TTC28: variants seen among roughly 807,000 people sequenced by gnomAD.
TTC28 encodes the protein tetratricopeptide repeat domain 28.
A neutral mutation model predicts 198.0 loss-of-function variants in TTC28; 61 were observed. The ratio of observed to expected loss-of-function variants is 0.31; its 90% CI spans 0.25 to 0.38. TTC28 has a LOEUF of 0.38. Ranked by LOEUF, TTC28 falls within the 10% of genes least tolerant of loss-of-function variation. The pLI is 1.00. For synonymous variants in TTC28, 1,171 were observed against 1,297.8 expected, an observed-to-expected ratio of 0.90 and a Z score of 2.10; for missense variants, 2,678 against 3,164.0, an observed-to-expected ratio of 0.85 and a Z score of 3.69.
intron 2 of TTC28, among the ~76,000 whole-genome samples, chr22:28,316,635 AG>A (rs1269927732): frequency 1.3e-5 from 2 of 151,992 alleles, no homozygotes; most frequent in African/African-American, 4.8e-5. Context: ...GCATTTTTTT[AG>A]TTTTCATTGT....
chr22:28,233,551 C>T (rs2147234383), intron 5 of TTC28, among the ~76,000 whole-genome samples: 1 of 152,150 alleles, frequency 6.6e-6, no homozygotes, highest in African/African-American at 2.4e-5. Context: ...GAGGTTGATT[C>T]CCCAGTTAGA....
At chr22:28,093,235 C>T (rs530194652) in intron 12 of TTC28, among the ~76,000 whole-genome samples, 38 of 152,344 alleles carry the variant, frequency 2.5e-4, no homozygotes, top group Non-Finnish European at 4.7e-4. Flanking sequence ...CAGCAACCAC[C>T]GCATGCTTGG....
At chr22:28,118,989 A>G (rs1488573432) in intron 6 of TTC28, among the ~76,000 whole-genome samples, 1 of 152,208 alleles carries the variant, frequency 6.6e-6, no homozygotes, top group Non-Finnish European at 1.5e-5. Context: ...TTGCCTTGGT[A>G]ATTGGTGTGT....
chr22:28,296,486 T>C (rs2044898615), intron 4 of TTC28, among the ~76,000 whole-genome samples, 158 bp from the exon 5 acceptor site: 1 of 152,224 alleles, frequency 6.6e-6, no homozygotes, highest in Non-Finnish European at 1.5e-5. Flanking sequence ...CACAAGACCC[T>C]ATGTGGGGAG....
At chr22:28,473,586 A>G in intron 2 of TTC28, among the ~76,000 whole-genome samples, 1 of 152,150 alleles carries the variant, frequency 6.6e-6, no homozygotes, top group Non-Finnish European at 1.5e-5. Flanking sequence ...TCTAAATATG[A>G]CTGCAGGACT....
intron 2 of TTC28, among the ~76,000 whole-genome samples, chr22:28,571,186 G>A (rs113351733): frequency 0.019 from 2,949 of 152,208 alleles, 29 homozygotes; most frequent in Non-Finnish European, 0.026. Context: ...TTGAACAGTT[G>A]CCAAATTAAG....
At chr22:28,368,162 T>C (rs947430680) in intron 2 of TTC28, among the ~76,000 whole-genome samples, 2 of 151,950 alleles carry the variant, frequency 1.3e-5, no homozygotes, top group African/African-American at 2.4e-5. Flanking sequence ...CTCAACAAAA[T>C]ACTAGCATAT....
At chr22:28,464,299 A>G (rs1401455315) in intron 2 of TTC28, among the ~76,000 whole-genome samples, 5 of 152,216 alleles carry the variant, frequency 3.3e-5, no homozygotes, top group Admixed American at 2.0e-4. Flanking sequence ...TTTAACCAGA[A>G]TTAATTTTTA....
chr22:28,001,781 C>T (rs778811758), intron 14 of TTC28: 16 of 572,902 alleles, frequency 2.8e-5, no homozygotes, highest in Non-Finnish European at 5.0e-5. Flanking sequence ...CATCCATCTG[C>T]CTCACAGTCC....
chr22:28,431,640 TAA>T (rs1047731410), intron 2 of TTC28, among the ~76,000 whole-genome samples: 2 of 152,216 alleles, frequency 1.3e-5, no homozygotes, highest in African/African-American at 4.8e-5. Context: ...AGAAATGTAC[TAA>T]GTTTCTCCAT....
intron 2 of TTC28, among the ~76,000 whole-genome samples, chr22:28,333,483 C>G (rs969926061): frequency 6.6e-6 from 1 of 152,108 alleles, no homozygotes; most frequent in African/African-American, 2.4e-5. Flanking sequence ...GAAAGCATTT[C>G]AAGCAATCAG....
intron 2 of TTC28, among the ~76,000 whole-genome samples, chr22:28,335,106 T>C (rs745848880): frequency 6.6e-6 from 1 of 152,202 alleles, no homozygotes. Context: ...ATTTATTAAA[T>C]AGGGAATCCT....
rs1941929937 is a variant in TTC28, at chr22:28,094,987, C to T, written c.3767-742G>A. 2.6e-5 allele frequency among the ~76,000 whole-genome samples: 4 copies of T among 152,124 alleles called. No individual in the cohort carries two copies. The South Asian group carries it at 6.2e-4, about 24-fold the overall frequency. Reference sequence around the variant, plus strand: ...GAACGGAAAAAGAAACAATAGAAGCCTCATTATACATGGCTCATTATTACA... The same window carrying T: ...GAACGGAAAAAGAAACAATAGAAGCTTCATTATACATGGCTCATTATTACA... On this transcript the variant is annotated intron_variant, in intron 11 of 22. Transcript: ENST00000397906.
chr22:28,635,074 C>G (rs564395548), intron 1 of TTC28, among the ~76,000 whole-genome samples: 5 of 152,314 alleles, frequency 3.3e-5, no homozygotes, highest in South Asian at 2.1e-4. Flanking sequence ...GTAATCCCAA[C>G]ACTTTGGGAG....
chr22:28,513,200 C>T (rs1309612876), intron 2 of TTC28, among the ~76,000 whole-genome samples: 1 of 151,964 alleles, frequency 6.6e-6, no homozygotes, highest in Admixed American at 6.6e-5. Flanking sequence ...CCAGCCCATA[C>T]TTTGAATTTT....
At chr22:28,513,399 C>G (rs753120905) in intron 2 of TTC28, among the ~76,000 whole-genome samples, 15 of 152,106 alleles carry the variant, frequency 9.9e-5, no homozygotes, top group Non-Finnish European at 2.2e-4. Flanking sequence ...GGTATATTGA[C>G]TTTTTCTAAT....
At chr22:28,679,487 G>C (rs1296713492) in intron 1 of TTC28, 135 bp downstream of exon 1, 2 of 555,262 alleles carry the variant, frequency 3.6e-6, no homozygotes, top group African/African-American at 4.1e-5. Flanking sequence ...CTCACGGCTC[G>C]CGGCTGGGAT....
chr22:28,339,388 T>G (rs1019129282), intron 2 of TTC28, among the ~76,000 whole-genome samples: 4 of 152,268 alleles, frequency 2.6e-5, no homozygotes, highest in Admixed American at 6.5e-5. Flanking sequence ...TCCAGCTGCA[T>G]GCTGGGAGAA....
intron 2 of TTC28, among the ~76,000 whole-genome samples, chr22:28,403,678 T>G (rs2046953695): frequency 6.6e-6 from 1 of 152,202 alleles, no homozygotes; most frequent in African/African-American, 2.4e-5. Context: ...GATGACTCTT[T>G]AACTGTAAAT....
Sources: allele counts gnomAD v4.1 joint callset (sites outside exome capture counted in the v4.1 genomes callset), GRCh38; gene constraint gnomAD v4.1.1; transcripts MANE v1.5; gene names NCBI Gene and HGNC (gene_info 2026-07-23, HGNC 2026-07-21).